The following KPNB1 variants were observed in gnomAD, a reference collection of about 807,000 sequenced individuals.
KPNB1 encodes karyopherin subunit beta 1.
In KPNB1, 7 loss-of-function variants were observed where a neutral mutation model predicts 113.0. The observed-to-expected ratio is 0.06, with a 90% CI of 0.04 to 0.12. KPNB1 has a LOEUF of 0.12. KPNB1 is among the 10% of genes least tolerant of loss of function. KPNB1 has a pLI of 1.00. For synonymous variants in KPNB1, 363 were observed against 378.6 expected (o/e 0.96, Z 0.48); for missense variants, 400 against 1,054.8 (o/e 0.38, Z 8.60).
At chr17:47,680,367 C>T (rs906147906) in intron 20 of KPNB1, 141 bp from the exon 21 acceptor site, 4 of 945,114 alleles carry the variant, frequency 4.2e-6, no homozygotes, top group Non-Finnish European at 6.4e-6. Flanking sequence ...TCAACAATTG[C>T]CTCTGTCTAG....
chr17:47,679,324 A>G (rs534293085), intron 19 of KPNB1, among the ~76,000 whole-genome samples: 1 of 152,302 alleles, frequency 6.6e-6, no homozygotes, highest in Admixed American at 6.5e-5. Context: ...TCCTGTATCA[A>G]CCATGAGTGG....
intron 8 of KPNB1, 148 bp from the exon 9 acceptor site, chr17:47,664,909 T>G (rs1338176038): frequency 1.6e-6 from 1 of 642,748 alleles, no homozygotes; most frequent in Middle Eastern, 2.8e-4. Context: ...ACCAAAAAAT[T>G]AGCACTTTCC....
intron 5 of KPNB1, among the ~76,000 whole-genome samples, chr17:47,659,435 G>T (rs2030022089): frequency 6.6e-6 from 1 of 152,194 alleles, no homozygotes; most frequent in African/African-American, 2.4e-5. Flanking sequence ...TTAAGATTGT[G>T]TGAATCTTTT....
intron 10 of KPNB1, among the ~76,000 whole-genome samples, chr17:47,669,423 C>T (rs542220112): frequency 6.2e-4 from 94 of 152,264 alleles, no homozygotes; most frequent in African/African-American, 2.2e-3. Flanking sequence ...TCATGCCCGG[C>T]CTCTATCTGA....
At chr17:47,664,867 T>G (rs56226803) in intron 8 of KPNB1, among the ~76,000 whole-genome samples, 190 bp from the exon 9 acceptor site, 4 of 152,084 alleles carry the variant, frequency 2.6e-5, no homozygotes, top group Admixed American at 2.0e-4. Context: ...TGGACCTATA[T>G]TATATGGCCT....
At chr17:47,662,869 G>A (rs769998152) in intron 6 of KPNB1, among the ~76,000 whole-genome samples, 1 of 152,028 alleles carries the variant, frequency 6.6e-6, no homozygotes, top group Non-Finnish European at 1.5e-5. Flanking sequence ...GGCAACAGGA[G>A]CGGAACTCTG....
chr17:47,651,727 C>CTTG (rs1471059086), intron 2 of KPNB1, among the ~76,000 whole-genome samples: 3 of 152,302 alleles, frequency 2.0e-5, no homozygotes, highest in South Asian at 2.1e-4. Context: ...GATTGCAGAG[C>CTTG]TTGTTAGCAG....
chr17:47,672,728 C>A (rs1243305169), intron 12 of KPNB1, among the ~76,000 whole-genome samples: 1 of 152,218 alleles, frequency 6.6e-6, no homozygotes, highest in Non-Finnish European at 1.5e-5. Context: ...TTCAGACAAC[C>A]TGTTAAATTG....
intron 12 of KPNB1, 29 bp downstream of exon 12, chr17:47,670,861 C>T (rs745332946): frequency 1.0e-5 from 16 of 1,580,518 alleles, no homozygotes; most frequent in East Asian, 9.1e-5. Flanking sequence ...AAATGAGTGA[C>T]GTCTTTGCAT....
intron 14 of KPNB1, 124 bp from the exon 15 acceptor site, chr17:47,674,514 T>C (rs1397479525): frequency 3.5e-6 from 3 of 861,524 alleles, no homozygotes; most frequent in African/African-American, 3.4e-5. Flanking sequence ...GTGTATAAAA[T>C]ACATTTGGCA....
At chr17:47,664,328 G>T (rs1239191515) in intron 8 of KPNB1, 59 bp downstream of exon 8, 2 of 1,095,292 alleles carry the variant, frequency 1.8e-6, no homozygotes, top group Non-Finnish European at 2.8e-6. Flanking sequence ...ATTTGTGGAT[G>T]ATGTTCCCCT....
In KPNB1 at chr17:47,657,283, A is replaced by G. The variant is rs537099587; in HGVS notation, c.483+223A>G. Among the ~76,000 whole-genome samples the G allele has an allele frequency of 1.1e-4, 16 of 152,358 alleles. No individual in the cohort carries two copies. In the East Asian group the frequency reaches 2.7e-3, roughly 26 times the overall value. ...GATCGCAAACTGAAAACAGAAGTCT[A>G]TGTTTGAAGAGTCTTAGATTCTAGA... On this transcript the variant is annotated intron_variant, in intron 4 of 21. Transcript: ENST00000290158.
chr17:47,675,361 G>GTTTGTTT (rs2030567873), intron 15 of KPNB1, among the ~76,000 whole-genome samples: 1 of 88,692 alleles, frequency 1.1e-5, no homozygotes, highest in Non-Finnish European at 2.3e-5. Flanking sequence ...CAGAGGTGTT[G>GTTTGTTT]TTTTTTTTTT....
chr17:47,653,739 G>T (rs779228946), intron 3 of KPNB1, among the ~76,000 whole-genome samples: 29 of 152,188 alleles, frequency 1.9e-4, no homozygotes, highest in Non-Finnish European at 3.4e-4. Flanking sequence ...CTAGATATCA[G>T]CATTAGGTAA....
At chr17:47,664,024 T>A in intron 7 of KPNB1, 135 bp from the exon 8 acceptor site, 1 of 600,644 alleles carries the variant, frequency 1.7e-6, no homozygotes, top group Non-Finnish European at 3.0e-6. Flanking sequence ...TCTTTTCCTA[T>A]CTTTTCTTTC....
rs1915701158 is a variant in KPNB1, at chr17:47,655,804, C to T, written c.283-1056C>T. ...CTCCTTTGCCATTTACTGCTACCTC[C>T]TCTTGTAACTTCTGGTTTCCCACCT... On this transcript the variant is annotated intron_variant, in intron 3 of 21. Coordinates refer to ENST00000290158, the MANE Select transcript of KPNB1 (RefSeq NM_002265.6). 2.0e-5 allele frequency among the ~76,000 whole-genome samples: 3 copies of T among 152,210 alleles called. No homozygotes were observed. In the South Asian group the frequency reaches 6.2e-4, roughly 32 times the overall value.
At chr17:47,681,792 AGG>A (rs1178782913) in intron 21 of KPNB1, among the ~76,000 whole-genome samples, 1 of 137,668 alleles carries the variant, frequency 7.3e-6, no homozygotes, top group East Asian at 2.2e-4. Context: ...TCGGTCTCCC[AGG>A]TGTGCACCAC....
chr17:47,663,259 G>T, intron 7 of KPNB1, 81 bp downstream of exon 7: 3 of 791,422 alleles, frequency 3.8e-6, no homozygotes, highest in Middle Eastern at 4.6e-4. Context: ...TGCCAATTCT[G>T]TAATATTTTA....
intron 21 of KPNB1, among the ~76,000 whole-genome samples, chr17:47,681,053 TTTTGTGTGTGTG>T (rs1260665821): frequency 1.0e-3 from 128 of 125,512 alleles, no homozygotes; most frequent in African/African-American, 3.4e-3. Context: ...TCAAATGTTT[TTTTGTGTGTGTG>T]TGTGTGTGTG....
Sources: allele counts gnomAD v4.1 joint callset (sites outside exome capture counted in the v4.1 genomes callset), GRCh38; gene constraint gnomAD v4.1.1; transcripts MANE v1.5; gene names NCBI Gene and HGNC (gene_info 2026-07-23, HGNC 2026-07-21).